The following SPATA20 variants were observed in gnomAD, a reference collection of about 807,000 sequenced individuals.
SPATA20 encodes the protein spermatogenesis associated 20.
In SPATA20, 74 loss-of-function variants were observed where a neutral mutation model predicts 98.9. The observed-to-expected ratio is 0.75, with a 90% CI of 0.62 to 0.91. SPATA20 has a LOEUF of 0.91. Ranked by LOEUF, SPATA20 falls within the 40% of genes least tolerant of loss-of-function variation. The pLI, the probability that SPATA20 is intolerant of heterozygous loss-of-function variation, is 0.00. For missense variants in SPATA20, 1,016 were observed against 1,069.8 expected, an observed-to-expected ratio of 0.95 and a Z score of 0.70; for synonymous variants, 430 against 440.5, an observed-to-expected ratio of 0.98 and a Z score of 0.30.
chr17:50,550,362 C>T, intron 9 of SPATA20, 50 bp downstream of exon 9: 3 of 1,446,936 alleles, frequency 2.1e-6, no homozygotes, highest in Non-Finnish European at 2.9e-6. Context: ...CTGGCTGCCC[C>T]TCCCAAGGCC....
At chr17:50,555,146 C>A in intron 15 of SPATA20, 86 bp from the exon 16 acceptor site, 4 of 1,040,656 alleles carry the variant, frequency 3.8e-6, no homozygotes, top group Non-Finnish European at 4.4e-6. Context: ...TACGGTGGGG[C>A]GGAAGGAGGA....
At chr17:50,551,259 C>A (rs1259406140) in intron 12 of SPATA20, 69 bp downstream of exon 12, 12 of 1,428,204 alleles carry the variant, frequency 8.4e-6, no homozygotes, top group South Asian at 6.6e-5. Flanking sequence ...GTCTTTCCGG[C>A]AGCGGCTAAA....
intron 14 of SPATA20, among the ~76,000 whole-genome samples, chr17:50,553,573 T>A (rs971566637): frequency 6.0e-5 from 9 of 151,174 alleles, no homozygotes; most frequent in Non-Finnish European, 8.9e-5. Flanking sequence ...TTTTTTTTTT[T>A]TTCCTAAGAA....
At chr17:50,547,671 C>G in intron 1 of SPATA20, 49 bp from the exon 2 acceptor site, 1 of 780,784 alleles carries the variant, frequency 1.3e-6, no homozygotes, top group East Asian at 2.4e-5. Context: ...TTAGGTCTGC[C>G]TGCAGTCCCA....
chr17:50,550,991 TC>T lies in SPATA20; in HGVS notation c.1384-5del. On this transcript the variant is annotated splice_polypyrimidine_tract_variant and splice_region_variant and intron_variant, in intron 11 of 16. Coordinates refer to ENST00000006658, the MANE Select transcript of SPATA20 (RefSeq NM_022827.4). ...GTGAGCTCGCAGACAAAGGCCATTC[TC>T]CTCAGGACCCCAAGGGGGAGCTGCA... The T allele has an allele frequency of 6.2e-7, 1 of 1,612,962 alleles. No individual in the cohort carries two copies.
At chr17:50,548,479 C>G in intron 3 of SPATA20, 26 bp downstream of exon 3, 1 of 1,613,586 alleles carries the variant, frequency 6.2e-7, no homozygotes, top group Non-Finnish European at 8.5e-7. Context: ...GGGGCCCTGC[C>G]TGGAATCGCT....
intron 7 of SPATA20, 107 bp downstream of exon 7, chr17:50,549,594 C>T: frequency 8.5e-7 from 1 of 1,174,190 alleles, no homozygotes; most frequent in Non-Finnish European, 1.2e-6. Flanking sequence ...GTCCTCCTGA[C>T]TGGCAGTGAC....
rs1427043694 is a variant in SPATA20 at position 50,551,188 on chromosome 17, A to T, written c.1574A>T (p.Asn525Ile). 3 of 1,607,852 alleles carry T rather than the reference A, an allele frequency of 1.9e-6. No homozygotes were observed. Among genetic ancestry groups the T allele is most frequent in the Non-Finnish European group, 2.5e-6 (3 of 1,177,634 alleles). ...HLDSKMLAAW[N>I]GLMVSGYAVT... Reference sequence around the variant, plus strand: ...GACAGCAAGATGCTGGCTGCCTGGAATGGTGGGGCAGCACACCTGAGACCG... The same window carrying T: ...GACAGCAAGATGCTGGCTGCCTGGATTGGTGGGGCAGCACACCTGAGACCG... The change falls in exon 12 of 17, where the codon AAT (asparagine) becomes ATT (isoleucine). Residue 525 changes from asparagine (N) to isoleucine (I), a missense_variant and splice_region_variant. By Grantham distance (149) the Asn-to-Ile change is moderately radical. Coordinates refer to ENST00000006658, the MANE Select transcript of SPATA20 (RefSeq NM_022827.4).
intron 2 of SPATA20, 74 bp downstream of exon 2, chr17:50,547,841 T>TA (rs768469786): frequency 8.7e-6 from 8 of 915,086 alleles, no homozygotes; most frequent in Non-Finnish European, 1.5e-5. Context: ...TCCCAGACCC[T>TA]ACTGATCTTG....
rs1347035648 is a variant in SPATA20, at chr17:50,550,523, T to C, written c.1099-13T>C. Reference sequence around the variant, plus strand: ...ACCTCTCTGTTCACAGTCTCCTTTCTTCCCTTTCTTAGCTCTCTGGTGATG... The same window carrying C: ...ACCTCTCTGTTCACAGTCTCCTTTCCTCCCTTTCTTAGCTCTCTGGTGATG... On this transcript the variant is annotated splice_polypyrimidine_tract_variant and intron_variant, in intron 9 of 16. Coordinates refer to ENST00000006658, the MANE Select transcript of SPATA20 (RefSeq NM_022827.4). 2 of 1,613,360 alleles carry C rather than the reference T, an allele frequency of 1.2e-6. No individual in the cohort carries two copies. The highest frequency in any genetic ancestry group is 8.5e-7 in the Non-Finnish European group (1 of 1,179,312).
At chr17:50,547,563 C>T in intron 1 of SPATA20, 157 bp from the exon 2 acceptor site, 1 of 705,482 alleles carries the variant, frequency 1.4e-6, no homozygotes, top group Non-Finnish European at 2.6e-6. Context: ...AGGAAGCCTT[C>T]CTTGCACCCC....
In SPATA20 at chr17:50,547,222, G is replaced by C. The variant is rs1167048028; in HGVS notation, c.14G>C (p.Arg5Pro). Residue 5 changes from arginine (R) to proline (P), a missense_variant, in exon 1 of 17, where the codon CGG (arginine) becomes CCG (proline). Coordinates refer to ENST00000006658, the MANE Select transcript of SPATA20 (RefSeq NM_022827.4). ...CCCCGAGCAGCCATGCTGGGCGCGC[G>C]GGCCTGGTTGGGCCGCGTCCTTCTG... The part of the protein sequence containing the change: MLGA[R>P]AWLGRVLLLP... 16 of 1,411,662 alleles carry C rather than the reference G, an allele frequency of 1.1e-5. No individual in the cohort carries two copies. In the Admixed American group the frequency reaches 5.2e-4, roughly 46 times the overall value. 87.4% of individuals were successfully genotyped at this position (1,411,662 alleles called of 1,614,324 possible).
intron 13 of SPATA20, 95 bp downstream of exon 13, chr17:50,551,774 G>A: frequency 7.2e-7 from 1 of 1,388,602 alleles, no homozygotes; most frequent in Non-Finnish European, 9.7e-7. Context: ...CTCCAGTCCT[G>A]GCTCTGCCAG....
Position 50,555,696 on chromosome 17 carries a change from G to A in SPATA20, c.*34G>A. The A allele has an allele frequency of 6.3e-7, 1 of 1,592,130 alleles. No homozygotes were observed. Among genetic ancestry groups the A allele is most frequent in the Non-Finnish European group, 8.6e-7 (1 of 1,168,414 alleles). ...ACCCCCTTGGGGTGGGGCAGAAGGT[G>A]AAGCATCCCAACTGACTAGAGACTC... On this transcript the variant is annotated 3_prime_UTR_variant, in exon 17 of 17. Transcript: ENST00000006658.
rs2035025260 is a variant in SPATA20, at chr17:50,552,054, G to A, written c.1831G>A (p.Ala611Thr). Residue 611 changes from alanine to threonine, a missense_variant, in exon 14 of 17, where the codon GCG becomes ACG. Ala to Thr is a moderately conservative substitution (Grantham distance 58). Transcript: ENST00000006658. ...LDLYEASQES[A>T]WLEWALRLQD... ...CCTGTATGAGGCCTCACAGGAGAGT[G>A]CGTGGCTCGAGTGGGCTCTGCGGCT... is the stretch of plus-strand genomic sequence containing the variant. The A allele has an allele frequency of 6.2e-7, 1 of 1,613,790 alleles. No individual in the cohort carries two copies. The highest frequency in any genetic ancestry group is 8.5e-7 in the Non-Finnish European group (1 of 1,179,988).
chr17:50,549,598 C>A, intron 7 of SPATA20, 111 bp downstream of exon 7: 1 of 1,112,430 alleles, frequency 9.0e-7, no homozygotes, highest in Non-Finnish European at 1.3e-6. Flanking sequence ...TCCTGACTGG[C>A]AGTGACCTCC....
intron 3 of SPATA20, 31 bp downstream of exon 3, chr17:50,548,484 A>T: frequency 6.2e-7 from 1 of 1,613,538 alleles, no homozygotes; most frequent in South Asian, 1.1e-5. Flanking sequence ...CCTGCCTGGA[A>T]TCGCTGGGGT....
intron 8 of SPATA20, 23 bp downstream of exon 8, chr17:50,550,138 T>C (rs2034987308): frequency 6.2e-7 from 1 of 1,612,566 alleles, no homozygotes. Context: ...GGGTGTTCCC[T>C]GGAGGGGCAG....
intron 7 of SPATA20, 83 bp downstream of exon 7, chr17:50,549,570 AC>A: frequency 7.2e-7 from 1 of 1,389,704 alleles, no homozygotes; most frequent in Non-Finnish European, 9.8e-7. Context: ...TCCTGGCCTC[AC>A]CCATAGCTTC....
Sources: allele counts gnomAD v4.1 joint callset (sites outside exome capture counted in the v4.1 genomes callset), GRCh38; gene constraint gnomAD v4.1.1; transcripts MANE v1.5; gene names NCBI Gene and HGNC (gene_info 2026-07-23, HGNC 2026-07-21).